Variants in CDH7 observed in about 807,000 individuals in gnomAD.
CDH7 encodes cadherin-7.
Under a neutral mutation model 71.8 loss-of-function variants are expected in CDH7, and 25 were observed. The observed-to-expected ratio is 0.35, with a 90% CI of 0.25 to 0.49. The LOEUF is 0.49. Among genes scored for constraint, CDH7 ranks in the 20% least tolerant of loss-of-function variants. The probability of loss-of-function intolerance (pLI) is 0.99; values close to 1 mark genes in which losing one functional copy is unlikely to be tolerated. For missense variants in CDH7, 862 were observed against 974.6 expected (o/e 0.88, Z 1.54); for synonymous variants, 381 against 363.8 (o/e 1.05, Z -0.54).
intron 2 of CDH7, among the ~76,000 whole-genome samples, chr18:65,796,764 C>A (rs1910932202): frequency 6.6e-6 from 1 of 152,142 alleles, no homozygotes; most frequent in Admixed American, 6.5e-5. Context: ...TAATATCATG[C>A]TGACTCGCTT....
intron 6 of CDH7, among the ~76,000 whole-genome samples, chr18:65,827,733 A>G (rs191051370): frequency 6.6e-6 from 1 of 151,952 alleles, no homozygotes; most frequent in East Asian, 1.9e-4. Context: ...AGGCAAAACC[A>G]TTAGATTCTA....
At chr18:65,863,946 C>G (rs533778670) in intron 11 of CDH7, 1 of 152,210 alleles carries the variant, frequency 6.6e-6, no homozygotes, top group African/African-American at 2.4e-5. Flanking sequence ...ATTCAATATA[C>G]CGTTCCATAT....
At position 65,862,926 on chromosome 18, in the gene CDH7, T is replaced by A. The variant is rs777333133; in HGVS notation, c.1864+9T>A. ...TGTCTTGACATTATTGGGTAGGTAC[T>A]GTTTCCAGGGCTTGCTCTGAAAGAG... On this transcript the variant is annotated intron_variant, in intron 11 of 11. Coordinates refer to ENST00000397968, the MANE Select transcript of CDH7 (RefSeq NM_004361.5). 1 of 1,612,680 alleles carries A rather than the reference T, an allele frequency of 6.2e-7. No homozygotes were observed.
At chr18:65,804,137 T>C (rs913342542) in intron 2 of CDH7, among the ~76,000 whole-genome samples, 19 of 152,152 alleles carry the variant, frequency 1.2e-4, no homozygotes, top group Non-Finnish European at 2.4e-4. Flanking sequence ...TCACCTTATG[T>C]TTATAGATGG....
chr18:65,826,194 A>T (rs931288), intron 6 of CDH7, among the ~76,000 whole-genome samples: 1 of 151,060 alleles, frequency 6.6e-6, no homozygotes, highest in African/African-American at 2.4e-5. Flanking sequence ...TGTCATCTAA[A>T]AGCATAAAAC....
intron 2 of CDH7, among the ~76,000 whole-genome samples, chr18:65,775,578 G>A (rs767378745): frequency 4.6e-5 from 7 of 152,082 alleles, no homozygotes; most frequent in Admixed American, 1.3e-4. Flanking sequence ...CCAATCTTTT[G>A]TCTTCCTTGG....
At chr18:65,816,188 T>C (rs955764813) in intron 4 of CDH7, among the ~76,000 whole-genome samples, 1 of 152,080 alleles carries the variant, frequency 6.6e-6, no homozygotes, top group African/African-American at 2.4e-5. Context: ...GAAAGTTTAG[T>C]TTAGTTTTTT....
intron 6 of CDH7, among the ~76,000 whole-genome samples, chr18:65,835,357 C>T (rs1250188912): frequency 6.6e-6 from 1 of 152,120 alleles, no homozygotes; most frequent in African/African-American, 2.4e-5. Flanking sequence ...TGAGTTCCAG[C>T]GCTGCTCCAG....
intron 2 of CDH7, among the ~76,000 whole-genome samples, chr18:65,790,685 A>G (rs1910682304): frequency 6.6e-6 from 1 of 152,190 alleles, no homozygotes. Flanking sequence ...CCTGGCTAAC[A>G]TTGTGAAATC....
At chr18:65,813,578 T>G (rs961599268) in intron 3 of CDH7, among the ~76,000 whole-genome samples, 1 of 152,080 alleles carries the variant, frequency 6.6e-6, no homozygotes, top group African/African-American at 2.4e-5. Context: ...GGAAATTATT[T>G]GTAACAAACT....
chr18:65,860,472 T>C (rs1307988824), intron 10 of CDH7, among the ~76,000 whole-genome samples: 1 of 152,152 alleles, frequency 6.6e-6, no homozygotes, highest in African/African-American at 2.4e-5. Flanking sequence ...GATTTTAGTT[T>C]TGCTTAATAA....
chr18:65,804,366 A>G (rs1196530878), intron 2 of CDH7, among the ~76,000 whole-genome samples: 1 of 152,188 alleles, frequency 6.6e-6, no homozygotes, highest in Non-Finnish European at 1.5e-5. Context: ...AGATCAAATA[A>G]CAAGCAGAGT....
chr18:65,841,254 T>A (rs190633700), intron 6 of CDH7, among the ~76,000 whole-genome samples: 16 of 152,322 alleles, frequency 1.1e-4, no homozygotes, highest in Admixed American at 9.8e-4. Flanking sequence ...ATACCTCATG[T>A]TGCTCCTTTT....
intron 11 of CDH7, among the ~76,000 whole-genome samples, chr18:65,879,410 T>C (rs1409525447): frequency 1.3e-5 from 2 of 152,188 alleles, no homozygotes; most frequent in South Asian, 2.1e-4. Flanking sequence ...TTAAAAGGTA[T>C]TTGTAGATGA....
chr18:65,757,149 C>T (rs1916053427), intron 1 of CDH7, among the ~76,000 whole-genome samples: 1 of 151,076 alleles, frequency 6.6e-6, no homozygotes, highest in Non-Finnish European at 1.5e-5. Context: ...AAAGTGGTTT[C>T]CTAGAGATGT....
chr18:65,837,298 G>T (rs1912563675), intron 6 of CDH7, among the ~76,000 whole-genome samples: 1 of 152,140 alleles, frequency 6.6e-6, no homozygotes, highest in Admixed American at 6.5e-5. Flanking sequence ...ACTCACCTTG[G>T]CTAAAGCAAA....
In CDH7 at chr18:65,882,688, G is replaced by T. The variant is rs1043435360; in HGVS notation, c.*1794G>T. On this transcript the variant is annotated 3_prime_UTR_variant, in exon 12 of 12. Coordinates refer to ENST00000397968, the MANE Select transcript of CDH7 (RefSeq NM_004361.5). The stretch of plus-strand genomic sequence containing the variant: ...GTAGACATTGTTTTATGACTATATA[G>T]ATATGCTTCTTGCTGTATTAATATG... The T allele has an allele frequency of 1.3e-5, 2 of 151,982 alleles. No individual in the cohort carries two copies. Among genetic ancestry groups the T allele is most frequent in the Non-Finnish European group, 2.9e-5 (2 of 67,950 alleles). The allele number at this position is 151,982 out of a possible 1,614,324, so 9.4% of individuals were successfully genotyped here.
chr18:65,790,423 G>A (rs1363528388), intron 2 of CDH7, among the ~76,000 whole-genome samples: 2 of 151,028 alleles, frequency 1.3e-5, no homozygotes, highest in African/African-American at 2.4e-5. Flanking sequence ...CCCCTTGAGA[G>A]TGAAGTGTAA....
chr18:65,820,233 A>G (rs954696413), intron 4 of CDH7, among the ~76,000 whole-genome samples: 8 of 151,012 alleles, frequency 5.3e-5, no homozygotes, highest in South Asian at 4.2e-4. Flanking sequence ...CACAAAGCCT[A>G]AAATATGAGC....
Sources: gnomAD v4.1 joint callset for allele counts (sites outside exome capture counted in the v4.1 genomes callset) on GRCh38, gnomAD v4.1.1 for gene constraint, MANE v1.5 for transcripts, NCBI Gene and HGNC (gene_info 2026-07-23, HGNC 2026-07-21) for gene names.